FASTKD5: variants seen among roughly 807,000 people sequenced by gnomAD.
FASTKD5 encodes non-canonical pre-mRNAs endonuclease FASTKD5, mitochondrial.
A neutral mutation model predicts 44.0 loss-of-function variants in FASTKD5; 30 were observed. The observed-to-expected ratio is 0.68, with a 90% CI of 0.51 to 0.93. FASTKD5 has a LOEUF of 0.93. Among genes scored for constraint, FASTKD5 ranks in the 40% least tolerant of loss-of-function variants. FASTKD5 has a pLI of 0.00. For synonymous variants in FASTKD5, 335 were observed against 342.2 expected (o/e 0.98, Z 0.23); for missense variants, 868 against 908.2 (o/e 0.96, Z 0.57).
chr20:3,147,958 G>C lies in FASTKD5; in HGVS notation c.1113C>G (p.Ile371Met), dbSNP rs561877047. The C allele has an allele frequency of 5.0e-6, 8 of 1,614,190 alleles. No individual in the cohort carries two copies. The highest frequency in any genetic ancestry group is 5.1e-6 in the Non-Finnish European group (6 of 1,180,042). The change falls in exon 2 of 2, where the codon ATC becomes ATG. Residue 371 changes from isoleucine to methionine, a missense_variant. Transcript: ENST00000380266. Reference sequence around the variant, plus strand: ...TCTCTCCAATCTGCTTCATGAAATTGATGTGATCCACGTGAGTGAAACGGA... The same window carrying C: ...TCTCTCCAATCTGCTTCATGAAATTCATGTGATCCACGTGAGTGAAACGGA... ...KMFRFTHVDH[I>M]NFMKQIGEIA...
chr20:3,150,840 C>T (rs1304278567), intron 1 of FASTKD5: 3 of 152,202 alleles, frequency 2.0e-5, no homozygotes, highest in African/African-American at 7.2e-5. Context: ...AATTCTCTCA[C>T]ATTAAATTTT....
chr20:3,153,520 A>G (rs1379840164), intron 1 of FASTKD5, among the ~76,000 whole-genome samples: 1 of 152,254 alleles, frequency 6.6e-6, no homozygotes, highest in African/African-American at 2.4e-5. Context: ...AGTGGAGCCT[A>G]ATATTAAAGA....
chr20:3,148,772 C>A lies in FASTKD5; in HGVS notation c.299G>T (p.Gly100Val). 6.2e-7 allele frequency: 1 copy of A among 1,614,242 alleles called. No individual in the cohort carries two copies. Among genetic ancestry groups the A allele is most frequent in the South Asian group, 1.1e-5 (1 of 91,084 alleles). ...TLQLGSPRATGVDEEDVEVFD... is the reference protein window; with the variant it reads ...TLQLGSPRATVVDEEDVEVFD... ...CACTTCTACGTCCTCTTCATCAACT[C>A]CTGTGGCCCTGGGTGAGCCCAGCTG... Residue 100 changes from glycine to valine, a missense_variant, in exon 2 of 2, where the codon GGA becomes GTA. Coordinates refer to ENST00000380266, the MANE Select transcript of FASTKD5 (RefSeq NM_021826.5).
At position 3,147,615 on chromosome 20, in the gene FASTKD5, G is replaced by T. The variant is rs1191304607; in HGVS notation, c.1456C>A (p.Pro486Thr). Residue 486 changes from proline to threonine, a missense_variant, in exon 2 of 2, where the codon CCA becomes ACA. Physicochemically the swap from Pro to Thr is conservative, Grantham distance 38. Transcript: ENST00000380266. ...LLGLAFLEYFPVELIDFALSP... is the reference protein window; with the variant it reads ...LLGLAFLEYFTVELIDFALSP... ...AGAGCGAAATCAATTAACTCTACTGGAAAGTACTCCAAAAATGCCAGGCCC... is the reference window on the plus strand; with the variant it reads ...AGAGCGAAATCAATTAACTCTACTGTAAAGTACTCCAAAAATGCCAGGCCC... 1.2e-6 allele frequency: 2 copies of T among 1,614,196 alleles called. No homozygotes were observed. Among genetic ancestry groups the T allele is most frequent in the African/African-American group, 1.3e-5 (1 of 75,042 alleles).
chr20:3,151,697 T>C (rs1384251475), intron 1 of FASTKD5: 1 of 151,794 alleles, frequency 6.6e-6, no homozygotes, highest in Non-Finnish European at 1.5e-5. Flanking sequence ...AGAAAAATAG[T>C]ACTAAAATAA....
chr20:3,156,797 A>G (rs1308924878), intron 1 of FASTKD5: 1 of 152,306 alleles, frequency 6.6e-6, no homozygotes, highest in Non-Finnish European at 1.5e-5. Flanking sequence ...CTAACTGTAG[A>G]CTGAGTATAA....
chr20:3,149,310 C>A lies in FASTKD5; in HGVS notation c.-190-50G>T. The A allele has an allele frequency of 1.9e-6, 1 of 514,968 alleles. No individual in the cohort carries two copies. The highest frequency in any genetic ancestry group is 3.5e-6 in the Non-Finnish European group (1 of 289,212). The allele number at this position is 514,968 out of a possible 1,614,324, so 31.9% of individuals were successfully genotyped here. On this transcript the variant is annotated intron_variant, in intron 1 of 1. Coordinates refer to ENST00000380266, the MANE Select transcript of FASTKD5 (RefSeq NM_021826.5). This position sits in a 1 kb window ranked among gnomAD's most constrained non-coding sequence, Gnocchi z 4.1. ...GAGTGGCTTCTACCTATAAAAGCAT[C>A]CAAATTTACACATTATAAAAAACAG...
intron 1 of FASTKD5, 75 bp downstream of exon 1, chr20:3,159,691 A>T (rs2066726293): frequency 6.6e-6 from 1 of 152,314 alleles, no homozygotes; most frequent in Non-Finnish European, 1.5e-5. Context: ...GACAGGAGGC[A>T]CAGGCCAAGG....
chr20:3,157,642 C>T (rs2066700291), intron 1 of FASTKD5, among the ~76,000 whole-genome samples: 1 of 152,178 alleles, frequency 6.6e-6, no homozygotes, highest in South Asian at 2.1e-4. Context: ...CTCCATATAA[C>T]AACAGGCAGT....
At chr20:3,157,225 G>A (rs1363288163) in intron 1 of FASTKD5, among the ~76,000 whole-genome samples, 1 of 152,218 alleles carries the variant, frequency 6.6e-6, no homozygotes, top group Non-Finnish European at 1.5e-5. Flanking sequence ...TGTTAATGTG[G>A]ATGTTAACTG....
Position 3,151,085 on chromosome 20 carries a change from T to G in FASTKD5, c.-190-1825A>C, listed in dbSNP as rs151138009. The stretch of plus-strand genomic sequence containing the variant: ...GTGTGTGTTTGTGTGTGTGTGTGTG[T>G]GGAGATGGAGTCTCACAATGTTGCC... On this transcript the variant is annotated intron_variant, in intron 1 of 1. Transcript: ENST00000380266. 8.6e-3 allele frequency among the ~76,000 whole-genome samples: 1,309 copies of G among 152,150 alleles called. 20 individuals carry two copies. Among genetic ancestry groups the G allele is most frequent in the African/African-American group, 0.029 (1,196 of 41,498 alleles).
intron 1 of FASTKD5, among the ~76,000 whole-genome samples, chr20:3,155,067 A>G (rs55648947): frequency 7.8e-6 from 1 of 128,798 alleles, no homozygotes. Context: ...AAAAAAAAAA[A>G]AAAAAGAAAA....
chr20:3,152,063 C>T (rs1001401934), intron 1 of FASTKD5, among the ~76,000 whole-genome samples: 5 of 144,748 alleles, frequency 3.5e-5, no homozygotes, highest in Admixed American at 1.4e-4. Context: ...CAAGATGGTG[C>T]CACTGCACTG....
chr20:3,155,704 C>T (rs1181724286), intron 1 of FASTKD5, among the ~76,000 whole-genome samples: 1 of 152,138 alleles, frequency 6.6e-6, no homozygotes, highest in Non-Finnish European at 1.5e-5. Flanking sequence ...GAGAAAGTAG[C>T]TTAATAGATA....
chr20:3,151,830 C>T (rs965712478), intron 1 of FASTKD5: 2 of 151,836 alleles, frequency 1.3e-5, no homozygotes, highest in Non-Finnish European at 2.9e-5. Flanking sequence ...GATGGCCAGG[C>T]GTGGTGGCTC....
rs182529450 is a variant in FASTKD5, at chr20:3,158,918, C to T, written c.-191+848G>A. On this transcript the variant is annotated intron_variant, in intron 1 of 1. Transcript: ENST00000380266. Reference sequence around the variant, plus strand: ...AGTGTAGAAAACGTGAATTCAGATTCCAGCAGCAACAAATGACTGGAGCAC... The same window carrying T: ...AGTGTAGAAAACGTGAATTCAGATTTCAGCAGCAACAAATGACTGGAGCAC... Among the ~76,000 whole-genome samples, 53 of 152,286 alleles carry T rather than the reference C, an allele frequency of 3.5e-4. 1 individual carries two copies. The highest frequency in any genetic ancestry group is 3.3e-3 in the Admixed American group (50 of 15,298).
chr20:3,158,562 CT>C (rs1298746518), intron 1 of FASTKD5, among the ~76,000 whole-genome samples: 2 of 152,206 alleles, frequency 1.3e-5, no homozygotes, highest in Admixed American at 1.3e-4. Flanking sequence ...CACACTCCGC[CT>C]CCCGGGGTTC....
In FASTKD5 at chr20:3,148,010, C is replaced by G. The variant is rs772486694; in HGVS notation, c.1061G>C (p.Arg354Pro). The change falls in exon 2 of 2, where the codon CGC (arginine) becomes CCC (proline). Residue 354 changes from arginine (R) to proline (P), a missense_variant. Arg to Pro is a moderately radical substitution (Grantham distance 103, BLOSUM62 -2). Coordinates refer to ENST00000380266, the MANE Select transcript of FASTKD5 (RefSeq NM_021826.5). ...CATTTTAACAATATTCACTAAGGAG[C>G]GACTACTCAGATGCTGAATGTTAGC... Reference protein sequence around the residue: ...ACANIQHLSSRSLVNIVKMFR... With the variant: ...ACANIQHLSSPSLVNIVKMFR... 1 of 1,614,052 alleles carries G rather than the reference C, an allele frequency of 6.2e-7. No homozygotes were observed. The highest frequency in any genetic ancestry group is 1.7e-5 in the Admixed American group (1 of 59,990).
intron 1 of FASTKD5, among the ~76,000 whole-genome samples, chr20:3,157,966 G>A (rs1036851464): frequency 7.3e-5 from 11 of 151,572 alleles, no homozygotes; most frequent in African/African-American, 2.4e-4. Flanking sequence ...TGCAATCTCC[G>A]CTCACTGCAT....
Sources: allele counts gnomAD v4.1 joint callset (sites outside exome capture counted in the v4.1 genomes callset), GRCh38; gene constraint gnomAD v4.1.1; non-coding constraint Gnocchi (gnomAD v3.1); transcripts MANE v1.5; gene names NCBI Gene and HGNC (gene_info 2026-07-23, HGNC 2026-07-21).